The following HUNK variants were observed in gnomAD, a reference collection of about 807,000 sequenced individuals.
The protein encoded by HUNK is hormonally up-regulated Neu-associated kinase.
HUNK carries 21 observed loss-of-function variants against 61.0 expected under a neutral mutation model. The ratio of observed to expected loss-of-function variants is 0.34; its 90% CI spans 0.24 to 0.50. The LOEUF is 0.50. Among genes scored for constraint, HUNK ranks in the 20% least tolerant of loss-of-function variants. HUNK has a pLI of 0.98. For synonymous variants in HUNK, 371 were observed against 386.1 expected (o/e 0.96, Z 0.46); for missense variants, 772 against 945.7 (o/e 0.82, Z 2.41).
intron 1 of HUNK, among the ~76,000 whole-genome samples, chr21:31,890,388 C>T (rs937044924): frequency 6.6e-6 from 1 of 152,170 alleles, no homozygotes; most frequent in Non-Finnish European, 1.5e-5. Context: ...ACCTCCGTGC[C>T]CAGCTAATTT....
At chr21:31,963,937 G>A (rs1382089077) in intron 5 of HUNK, among the ~76,000 whole-genome samples, 1 of 152,188 alleles carries the variant, frequency 6.6e-6, no homozygotes, top group Non-Finnish European at 1.5e-5. Context: ...CCAAAGAACT[G>A]CCCTTCATTC....
chr21:31,984,525 G>C (rs375722836), intron 8 of HUNK, among the ~76,000 whole-genome samples: 1 of 152,196 alleles, frequency 6.6e-6, no homozygotes, highest in East Asian at 1.9e-4. Flanking sequence ...AGCTGTCCCT[G>C]GTGACCTGAT....
Position 31,875,492 on chromosome 21 carries a change from T to A in HUNK, c.261+1557T>A, listed in dbSNP as rs375696424. 2.9e-3 allele frequency among the ~76,000 whole-genome samples: 435 copies of A among 150,114 alleles called. 1 individual carries two copies. The highest frequency in any genetic ancestry group is 0.01 in the African/African-American group (416 of 40,680). Reference sequence around the variant, plus strand: ...AGCGTTCAGTATGAACTTGAGTAAGTCTTCAAAGAAAAAGGAAAAACCTCC... The same window carrying A: ...AGCGTTCAGTATGAACTTGAGTAAGACTTCAAAGAAAAAGGAAAAACCTCC... On this transcript the variant is annotated intron_variant, in intron 1 of 10. Coordinates refer to ENST00000270112, the MANE Select transcript of HUNK (RefSeq NM_014586.2).
chr21:31,968,954 CTGCAACCTCTGCCTCCT>C (rs1478919667), intron 6 of HUNK, among the ~76,000 whole-genome samples: 3 of 151,950 alleles, frequency 2.0e-5, no homozygotes, highest in African/African-American at 7.3e-5. Flanking sequence ...TCTCAGATCA[CTGCAACCTCTGCCTCCT>C]GGTTTCAAGC....
intron 1 of HUNK, among the ~76,000 whole-genome samples, chr21:31,876,013 A>G (rs1568913681): frequency 6.6e-6 from 1 of 152,090 alleles, no homozygotes; most frequent in African/African-American, 2.4e-5. Context: ...CCCACTGGGA[A>G]CCCCGACATG....
chr21:31,904,801 A>G (rs2052493656), intron 1 of HUNK, among the ~76,000 whole-genome samples: 1 of 152,214 alleles, frequency 6.6e-6, no homozygotes. Context: ...GTCTTTAAAC[A>G]GATAGTTGAG....
At chr21:31,956,872 C>A (rs892437942) in intron 4 of HUNK, among the ~76,000 whole-genome samples, 1 of 152,290 alleles carries the variant, frequency 6.6e-6, no homozygotes, top group South Asian at 2.1e-4. Context: ...CTATTCCTCC[C>A]CTGGGGTACG....
At chr21:31,931,449 G>A (rs1241624574) in intron 2 of HUNK, among the ~76,000 whole-genome samples, 2 of 152,134 alleles carry the variant, frequency 1.3e-5, no homozygotes, top group African/African-American at 4.8e-5. Flanking sequence ...AAAGCCCTCG[G>A]GAATCCACTG....
intron 4 of HUNK, among the ~76,000 whole-genome samples, chr21:31,946,913 C>T (rs909498338): frequency 6.6e-6 from 1 of 152,256 alleles, no homozygotes; most frequent in South Asian, 2.1e-4. Flanking sequence ...CGCGCCCGGC[C>T]GTTCACTGGT....
At chr21:31,925,600 C>T (rs990247891) in intron 2 of HUNK, among the ~76,000 whole-genome samples, 1 of 152,166 alleles carries the variant, frequency 6.6e-6, no homozygotes, top group Non-Finnish European at 1.5e-5. Flanking sequence ...TTTGAACTTG[C>T]CCTTGAAATC....
intron 1 of HUNK, among the ~76,000 whole-genome samples, chr21:31,885,285 C>T (rs1056632439): frequency 2.6e-5 from 4 of 152,236 alleles, no homozygotes; most frequent in African/African-American, 9.6e-5. Context: ...GTGTGTGTGA[C>T]AGTGCATGCG....
At chr21:31,899,966 A>C (rs1229902994) in intron 1 of HUNK, among the ~76,000 whole-genome samples, 3 of 151,924 alleles carry the variant, frequency 2.0e-5, no homozygotes, top group African/African-American at 7.3e-5. Context: ...ATGGAGACGG[A>C]GTTTCACCAT....
In HUNK at chr21:32,003,035, A is replaced by T. The variant is rs2053256253; in HGVS notation, c.*3851A>T. The T allele has an allele frequency of 6.6e-6, 1 of 152,216 alleles. No homozygotes were observed. The highest frequency in any genetic ancestry group is 2.4e-5 in the African/African-American group (1 of 41,438). 9.4% of individuals were successfully genotyped at this position (152,216 alleles called of 1,614,324 possible). A position where few individuals can be genotyped will look rare whatever the true frequency, so the allele number is the denominator to read the frequency against. Reference sequence around the variant, plus strand: ...AACTAGGGACCCAGATGGTTTAAGGACACCCCAGAGTCCCCAGATGAGCTG... The same window carrying T: ...AACTAGGGACCCAGATGGTTTAAGGTCACCCCAGAGTCCCCAGATGAGCTG... On this transcript the variant is annotated 3_prime_UTR_variant, in exon 11 of 11. Transcript: ENST00000270112.
intron 1 of HUNK, among the ~76,000 whole-genome samples, chr21:31,905,221 T>C (rs1216866916): frequency 6.6e-6 from 1 of 152,058 alleles, no homozygotes; most frequent in African/African-American, 2.4e-5. Flanking sequence ...AGATGATAAA[T>C]GGGGTAATAG....
chr21:31,935,986 G>A (rs1437937981), intron 2 of HUNK, among the ~76,000 whole-genome samples: 4 of 151,972 alleles, frequency 2.6e-5, no homozygotes, highest in East Asian at 1.9e-4. Context: ...TAGTAGAGAC[G>A]GGGTTTCACC....
chr21:31,954,924 AG>A (rs1243867950), intron 4 of HUNK, among the ~76,000 whole-genome samples: 3 of 152,050 alleles, frequency 2.0e-5, no homozygotes, highest in African/African-American at 7.2e-5. Context: ...TGGGACTTAC[AG>A]GCGCATGCCA....
chr21:31,896,248 C>T (rs1161605498), intron 1 of HUNK, among the ~76,000 whole-genome samples: 5 of 152,202 alleles, frequency 3.3e-5, no homozygotes, highest in African/African-American at 9.7e-5. Context: ...AACTAATACA[C>T]TCTTCATACA....
At chr21:31,983,207 G>A (rs2053110047) in intron 7 of HUNK, among the ~76,000 whole-genome samples, 1 of 152,148 alleles carries the variant, frequency 6.6e-6, no homozygotes, top group African/African-American at 2.4e-5. Flanking sequence ...TTCTCTGTTC[G>A]TGTTTTTGAG....
At position 32,000,521 on chromosome 21, in the gene HUNK, AAAAG is replaced by A. The variant is rs1235843306; in HGVS notation, c.*1340_*1343del. The A allele has an allele frequency of 7.5e-6, 3 of 399,124 alleles. No individual in the cohort carries two copies. Among genetic ancestry groups the A allele is most frequent in the African/African-American group, 2.1e-5 (1 of 48,642 alleles). 24.7% of individuals were successfully genotyped at this position (399,124 alleles called of 1,614,324 possible). ...GCAGTCATTGGTGAGAAGAATCAGA[AAAAG>A]AAGACCCATCAGCACAGGTTGGATA... On this transcript the variant is annotated 3_prime_UTR_variant, in exon 11 of 11. Coordinates refer to ENST00000270112, the MANE Select transcript of HUNK (RefSeq NM_014586.2).
Sources: allele counts gnomAD v4.1 joint callset (sites outside exome capture counted in the v4.1 genomes callset), GRCh38; gene constraint gnomAD v4.1.1; transcripts MANE v1.5; gene names NCBI Gene and HGNC (gene_info 2026-07-23, HGNC 2026-07-21).